MAN1C1: variants seen among roughly 807,000 people sequenced by gnomAD.
The protein encoded by MAN1C1 is mannosyl-oligosaccharide 1,2-alpha-mannosidase IC.
Under a neutral mutation model 71.5 loss-of-function variants are expected in MAN1C1, and 49 were observed. That is an observed-to-expected ratio of 0.69 (90% CI 0.54 to 0.87). The LOEUF (loss-of-function observed/expected upper bound fraction) is 0.87. Among genes scored for constraint, MAN1C1 ranks in the 40% least tolerant of loss-of-function variants. The pLI is 0.00. For synonymous variants in MAN1C1, 352 were observed against 343.7 expected, an observed-to-expected ratio of 1.02 and a Z score of -0.27; for missense variants, 743 against 835.0, an observed-to-expected ratio of 0.89 and a Z score of 1.36.
intron 2 of MAN1C1, among the ~76,000 whole-genome samples, chr1:25,724,026 CT>C (rs1209904579): frequency 3.2e-3 from 436 of 135,458 alleles, no homozygotes; most frequent in East Asian, 7.6e-3. Flanking sequence ...GACTGCCTAC[CT>C]TTTTTTTTTT....
intron 2 of MAN1C1, among the ~76,000 whole-genome samples, chr1:25,743,953 G>A (rs909300724): frequency 3.3e-5 from 5 of 152,202 alleles, no homozygotes; most frequent in Admixed American, 1.3e-4. Flanking sequence ...TGCCTGATGC[G>A]TGGAAAACAC....
At chr1:25,687,078 C>G (rs754429554) in intron 2 of MAN1C1, among the ~76,000 whole-genome samples, 2 of 152,076 alleles carry the variant, frequency 1.3e-5, no homozygotes, top group African/African-American at 4.8e-5. Flanking sequence ...GAGTTCAGGT[C>G]CGGCCTGGGC....
intron 1 of MAN1C1, among the ~76,000 whole-genome samples, chr1:25,662,113 A>G (rs190609520): frequency 1.3e-5 from 2 of 152,316 alleles, no homozygotes; most frequent in African/African-American, 2.4e-5. Flanking sequence ...ACCTCAGTTT[A>G]TAATTCTGCA....
At chr1:25,699,089 C>A (rs938484565) in intron 2 of MAN1C1, among the ~76,000 whole-genome samples, 1 of 151,426 alleles carries the variant, frequency 6.6e-6, no homozygotes, top group African/African-American at 2.4e-5. Context: ...GGCAGATCAC[C>A]TGAGGTTAGG....
intron 6 of MAN1C1, chr1:25,759,722 A>C (rs2047336116): frequency 6.6e-6 from 1 of 152,140 alleles, no homozygotes; most frequent in Non-Finnish European, 1.5e-5. Context: ...CATTTTTAAT[A>C]TGCATTCATG....
At chr1:25,627,211 T>C (rs56741335) in intron 1 of MAN1C1, among the ~76,000 whole-genome samples, 13,507 of 152,262 alleles carry the variant, frequency 0.089, 1,339 homozygotes, top group East Asian at 0.22. Flanking sequence ...TTTCTGGATT[T>C]TTCCACTCTA....
At chr1:25,656,417 C>T (rs965739548) in intron 1 of MAN1C1, among the ~76,000 whole-genome samples, 2 of 152,072 alleles carry the variant, frequency 1.3e-5, no homozygotes, top group African/African-American at 2.4e-5. Context: ...CTTTTAAAGA[C>T]GTCGTTTCAT....
chr1:25,690,891 TCAGGGGAGG>T (rs1309124560), intron 2 of MAN1C1, among the ~76,000 whole-genome samples: 7 of 152,202 alleles, frequency 4.6e-5, no homozygotes, highest in Middle Eastern at 3.4e-3. Flanking sequence ...CATGGCAGAG[TCAGGGGAGG>T]CAGGGGAGGA....
chr1:25,760,409 C>T (rs1432422773), intron 6 of MAN1C1: 2 of 152,192 alleles, frequency 1.3e-5, no homozygotes, highest in Admixed American at 6.5e-5. Flanking sequence ...GGAGTCCATC[C>T]GTCTATCTCT....
rs538087421 is a variant in MAN1C1 at position 25,765,154 on chromosome 1, G to A, written c.1141+1187G>A. Among the ~76,000 whole-genome samples, 3 of 152,318 alleles carry A rather than the reference G, an allele frequency of 2.0e-5. No homozygotes were observed. In the South Asian group the frequency reaches 6.2e-4, roughly 32 times the overall value. ...TGTTCAGAGACTTGTTTCTCAGCCA[G>A]ATAACAGCCAGTCACCCATGGAACA... On this transcript the variant is annotated intron_variant, in intron 7 of 11. Coordinates refer to ENST00000374332, the MANE Select transcript of MAN1C1 (RefSeq NM_020379.4).
intron 2 of MAN1C1, among the ~76,000 whole-genome samples, chr1:25,729,078 A>T (rs1480961237): frequency 6.6e-6 from 1 of 152,088 alleles, no homozygotes; most frequent in African/African-American, 2.4e-5. Flanking sequence ...GCCCTGAGAC[A>T]CCCCTCTGTG....
chr1:25,690,592 A>G (rs539100529), intron 2 of MAN1C1, among the ~76,000 whole-genome samples: 23 of 152,360 alleles, frequency 1.5e-4, no homozygotes, highest in Admixed American at 1.5e-3. Context: ...CGCCCGGCGC[A>G]TATCTGCCAT....
Position 25,783,841 on chromosome 1 carries a change from C to T in MAN1C1, c.*52C>T. 1 of 1,590,740 alleles carries T rather than the reference C, an allele frequency of 6.3e-7. No homozygotes were observed. The highest frequency in any genetic ancestry group is 1.1e-5 in the South Asian group (1 of 90,162). The stretch of plus-strand genomic sequence containing the variant: ...CCGCCGCAGGGATGCCTTGCCTTTT[C>T]AGGATTTGAGACTGTTCTCAAAGGG... On this transcript the variant is annotated 3_prime_UTR_variant, in exon 12 of 12. Transcript: ENST00000374332.
Position 25,779,413 on chromosome 1 carries a change from C to T in MAN1C1, c.1477+1089C>T, listed in dbSNP as rs1298040677. 6.6e-6 allele frequency among the ~76,000 whole-genome samples: 1 copy of T among 152,134 alleles called. No homozygotes were observed. Among genetic ancestry groups the T allele is most frequent in the Non-Finnish European group, 1.5e-5 (1 of 68,030 alleles). On this transcript the variant is annotated intron_variant, in intron 9 of 11. Coordinates refer to ENST00000374332, the MANE Select transcript of MAN1C1 (RefSeq NM_020379.4). The surrounding 1 kb of genome is among the most constrained non-coding windows in gnomAD (Gnocchi z 4.6). ...CCATCATGATGTGTCTGTGCCCGCC[C>T]CAGCTGAATGGGGTCTCCTGGAGCT...
intron 2 of MAN1C1, among the ~76,000 whole-genome samples, chr1:25,708,754 C>T (rs999489802): frequency 3.9e-5 from 6 of 152,102 alleles, no homozygotes; most frequent in Admixed American, 1.3e-4. Context: ...GCAGTTGCTG[C>T]GCTCCTGTAA....
At position 25,701,262 on chromosome 1, in the gene MAN1C1, G is replaced by A. The variant is rs376386741; in HGVS notation, c.637+14726G>A. Among the ~76,000 whole-genome samples, 48 of 152,340 alleles carry A rather than the reference G, an allele frequency of 3.2e-4. 1 individual carries two copies. Among genetic ancestry groups the A allele is most frequent in the African/African-American group, 1.2e-3 (48 of 41,588 alleles). ...CAGGCACCATGGGAAGGGTCCCTTT[G>A]CATTGTTGTCACAAAAGCTGGCAAA... On this transcript the variant is annotated intron_variant, in intron 2 of 11. Transcript: ENST00000374332.
intron 1 of MAN1C1, among the ~76,000 whole-genome samples, chr1:25,680,123 C>T (rs986701182): frequency 1.3e-4 from 19 of 151,882 alleles, no homozygotes; most frequent in Middle Eastern, 3.4e-3. Flanking sequence ...AGTGCAGTGG[C>T]GCAATCTCGG....
At chr1:25,705,433 C>T (rs1053065166) in intron 2 of MAN1C1, among the ~76,000 whole-genome samples, 1 of 152,226 alleles carries the variant, frequency 6.6e-6, no homozygotes, top group Non-Finnish European at 1.5e-5. Flanking sequence ...TATTCTATCA[C>T]ATGGATGGAC....
chr1:25,733,945 G>A (rs1337481283), intron 2 of MAN1C1, among the ~76,000 whole-genome samples: 5 of 151,376 alleles, frequency 3.3e-5, no homozygotes, highest in Non-Finnish European at 5.9e-5. Context: ...GACTACAGGC[G>A]CCCGCCACCA....
Sources: allele counts gnomAD v4.1 joint callset (sites outside exome capture counted in the v4.1 genomes callset), GRCh38; gene constraint gnomAD v4.1.1; non-coding constraint Gnocchi (gnomAD v3.1); transcripts MANE v1.5; gene names NCBI Gene and HGNC (gene_info 2026-07-23, HGNC 2026-07-21).